SPTBN5: variants seen among roughly 807,000 people sequenced by gnomAD.
SPTBN5 encodes the protein spectrin beta, non-erythrocytic 5, also known as spectrin beta chain, non-erythrocytic 5.
SPTBN5 carries 513 observed loss-of-function variants against 477.6 expected under a neutral mutation model. The observed-to-expected ratio is 1.07, with a 90% CI of 1.00 to 1.16. SPTBN5 has a LOEUF of 1.16. SPTBN5 is among the 50% of genes most tolerant of loss of function. SPTBN5 has a pLI of 0.00. For missense variants in SPTBN5, 5,062 were observed against 4,731.8 expected, an observed-to-expected ratio of 1.07 and a Z score of -2.05; for synonymous variants, 2,169 against 2,011.7, an observed-to-expected ratio of 1.08 and a Z score of -2.09.
chr15:41,887,177 AGCCCT>A, intron 6 of SPTBN5, 31 bp downstream of exon 6: 1 of 1,537,520 alleles, frequency 6.5e-7, no homozygotes, highest in South Asian at 1.2e-5. Flanking sequence ...CTGCCTCTGG[AGCCCT>A]TGCTCACCCC....
Position 41,876,802 on chromosome 15 carries a change from G to A in SPTBN5, c.3851+7C>T, listed in dbSNP as rs2066750300. 2.5e-6 allele frequency: 4 copies of A among 1,609,766 alleles called. No homozygotes were observed. Among genetic ancestry groups the A allele is most frequent in the Non-Finnish European group, 2.5e-6 (3 of 1,179,772 alleles). On this transcript the variant is annotated splice_region_variant and intron_variant, in intron 19 of 67. Coordinates refer to ENST00000320955, the MANE Select transcript of SPTBN5 (RefSeq NM_016642.4). ...CTGCAGGTGCTGCAGACTGAGGCCA[G>A]GCTCACGTGTGTGCAGCTGGGTGCT...
In SPTBN5 at chr15:41,874,839, C is replaced by T. The variant is rs1162910198; in HGVS notation, c.4502+3G>A. 1 of 1,600,598 alleles carries T rather than the reference C, an allele frequency of 6.2e-7. No homozygotes were observed. The highest frequency in any genetic ancestry group is 8.5e-7 in the Non-Finnish European group (1 of 1,171,118). On this transcript the variant is annotated splice_donor_region_variant and intron_variant, in intron 23 of 67. Transcript: ENST00000320955. ...CACAGGTGGGTGGGAGGACAGACCC[C>T]ACCTCCGGAGGTGCTTCTGGGTCTC... is the stretch of plus-strand genomic sequence containing the variant.
At position 41,879,354 on chromosome 15, in the gene SPTBN5, TC is replaced by T. The variant is rs1328227857; in HGVS notation, c.3087del (p.Ser1030AlafsTer31). On this transcript the variant is annotated frameshift_variant, in exon 16 of 68. Transcript: ENST00000320955. LOFTEE classifies it high-confidence loss of function. The part of the protein sequence containing the change: ...VLLQLEALQP[G>X]SSEDTCHALQ... ...AGGGCGTGGCAGGTGTCCTCTGAGC[TC>T]CCTGGCTGCAGGGCCTCCAGCTGGA... 1 of 1,609,764 alleles carries T rather than the reference TC, an allele frequency of 6.2e-7. No individual in the cohort carries two copies. The highest frequency in any genetic ancestry group is 2.2e-5 in the East Asian group (1 of 44,874).
Position 41,874,897 on chromosome 15 carries a change from G to A in SPTBN5, c.4447C>T (p.His1483Tyr). The part of the protein sequence containing the change: ...AKMAALASMA[H>Y]GMAASPAILE... Reference sequence around the variant, plus strand: ...ATGGCCGGGGAGGCGGCCATGCCATGGGCCATGGAGGCGAGGGCAGCCATC... The same window carrying A: ...ATGGCCGGGGAGGCGGCCATGCCATAGGCCATGGAGGCGAGGGCAGCCATC... Residue 1483 changes from histidine to tyrosine, a missense_variant, in exon 23 of 68, where the codon CAT (histidine) becomes TAT (tyrosine). Physicochemically the swap from His to Tyr is moderately conservative, Grantham distance 83 (BLOSUM62 2). Coordinates refer to ENST00000320955, the MANE Select transcript of SPTBN5 (RefSeq NM_016642.4). The A allele has an allele frequency of 6.2e-7, 1 of 1,613,012 alleles. No homozygotes were observed. Among genetic ancestry groups the A allele is most frequent in the Non-Finnish European group, 8.5e-7 (1 of 1,179,674 alleles).
At chr15:41,887,749 C>T (rs2067199537) in intron 5 of SPTBN5, among the ~76,000 whole-genome samples, 179 bp downstream of exon 5, 1 of 152,154 alleles carries the variant, frequency 6.6e-6, no homozygotes, top group African/African-American at 2.4e-5. Flanking sequence ...GTAAACTTGG[C>T]CAATCTCATG....
intron 47 of SPTBN5, among the ~76,000 whole-genome samples, chr15:41,859,299 T>C (rs1354087177): frequency 6.6e-6 from 1 of 152,130 alleles, no homozygotes; most frequent in Non-Finnish European, 1.5e-5. Flanking sequence ...GCTAGGACTA[T>C]AGGCTCACAC....
chr15:41,880,060 A>AG, intron 14 of SPTBN5, 100 bp downstream of exon 14: 3 of 1,455,488 alleles, frequency 2.1e-6, no homozygotes, highest in Non-Finnish European at 2.7e-6. Flanking sequence ...CCCCTCCCCC[A>AG]GGCAGGACGG....
chr15:41,878,523 G>C lies in SPTBN5; in HGVS notation c.3289C>G (p.Arg1097Gly). The C allele has an allele frequency of 6.2e-7, 1 of 1,612,958 alleles. No individual in the cohort carries two copies. The highest frequency in any genetic ancestry group is 8.5e-7 in the Non-Finnish European group (1 of 1,179,712). Residue 1097 changes from arginine (R) to glycine (G), a missense_variant, in exon 17 of 68, where the codon CGC (arginine) becomes GGC (glycine). Transcript: ENST00000320955. ...TGCCGGGCCTGAGTCTCAGCCTGGC[G>C]CCGGGCCCGTTGGGCCACTTGTTCC... is the stretch of plus-strand genomic sequence containing the variant. ...VQEQVAQRAR[R>G]QAETQARQSF... is the part of the protein sequence containing the mutation.
chr15:41,870,267 T>C lies in SPTBN5; in HGVS notation c.5649A>G (p.Arg1883=). ...CCTGCCGCTCGGTGCCCACGAGTTC[T>C]CGCTCCAGCCCCTGGTGGCTTCTCA... The part of the protein sequence containing the change: ...AQLRSHQGLE[R]ELVGTERQLQ... The change falls in exon 31 of 68, where the codon CGA becomes CGG. Residue 1883 remains arginine (R), a synonymous_variant. Transcript: ENST00000320955. The C allele has an allele frequency of 6.4e-7, 1 of 1,551,638 alleles. No homozygotes were observed. The highest frequency in any genetic ancestry group is 8.7e-7 in the Non-Finnish European group (1 of 1,147,810).
chr15:41,874,660 C>T (rs573731022), intron 23 of SPTBN5, among the ~76,000 whole-genome samples, 182 bp from the exon 24 acceptor site: 26 of 152,316 alleles, frequency 1.7e-4, no homozygotes, highest in African/African-American at 4.8e-4. Context: ...AGATGACTCG[C>T]GTGACTGCAC....
chr15:41,864,107 C>T (rs2066216752), intron 39 of SPTBN5, 83 bp from the exon 40 acceptor site: 6 of 1,262,986 alleles, frequency 4.8e-6, no homozygotes, highest in South Asian at 2.7e-5. Context: ...TGAAAGCATG[C>T]CTGGGCCCCG....
intron 43 of SPTBN5, 98 bp from the exon 44 acceptor site, chr15:41,862,390 G>C: frequency 3.9e-6 from 6 of 1,519,818 alleles, no homozygotes; most frequent in Non-Finnish European, 5.3e-6. Flanking sequence ...AACCACAGGA[G>C]GGCCCATGGG....
At chr15:41,862,766 C>A in intron 42 of SPTBN5, 24 bp downstream of exon 42, 1 of 1,552,484 alleles carries the variant, frequency 6.4e-7, no homozygotes, top group Non-Finnish European at 8.7e-7. Flanking sequence ...TGCCCTGGGC[C>A]CAGCTCTACA....
rs2067205475 is a variant in SPTBN5, at chr15:41,887,946, G to C, written c.641C>G (p.Ala214Gly). The C allele has an allele frequency of 6.2e-7, 1 of 1,609,792 alleles. No homozygotes were observed. Among genetic ancestry groups the C allele is most frequent in the Non-Finnish European group, 8.5e-7 (1 of 1,178,472 alleles). Reference protein sequence around the residue: ...RSWSDGLGFNALIHAHRPDLL... With the variant: ...RSWSDGLGFNGLIHAHRPDLL... The stretch of plus-strand genomic sequence containing the variant: ...GTCACACCTGTGGGCATGGATGAGG[G>C]CATTGAAGCCCAGCCCATCGCTCCA... Residue 214 changes from alanine (A) to glycine (G), a missense_variant, in exon 5 of 68, where the codon GCC becomes GGC. By Grantham distance (60) the Ala-to-Gly change is moderately conservative. Transcript: ENST00000320955.
rs1567188231 is a variant in SPTBN5, at chr15:41,857,372, CTG to C, written c.8485_8486del (p.Gln2829GlufsTer15). On this transcript the variant is annotated frameshift_variant, in exon 51 of 68. Transcript: ENST00000320955. LOFTEE classifies it high-confidence loss of function. ...LPGVGELLGTQRELEAAVDKK... is the reference protein window; with the variant it reads ...LPGVGELLGTXRELEAAVDKK... ...TGTCCACTGCTGCCTCCAGCTCCCT[CTG>C]TGTGCCCAGGAGCTCGCCCACCCCA... 10 of 1,578,810 alleles carry C rather than the reference CTG, an allele frequency of 6.3e-6. No individual in the cohort carries two copies. The highest frequency in any genetic ancestry group is 1.3e-5 in the African/African-American group (1 of 74,128).
In SPTBN5 at chr15:41,867,901, C is replaced by T. The variant is rs187536474; in HGVS notation, c.6207+168G>A. The stretch of plus-strand genomic sequence containing the variant: ...GATAGGGGCTGGGGATGTCAGTGGA[C>T]GCTCAGGGGCCTCAGCACTTCACCA... On this transcript the variant is annotated intron_variant, in intron 34 of 67. Transcript: ENST00000320955. 3.3e-5 allele frequency among the ~76,000 whole-genome samples: 5 copies of T among 152,326 alleles called. No homozygotes were observed. The East Asian group carries it at 5.8e-4, about 18-fold the overall frequency.
intron 3 of SPTBN5, 83 bp from the exon 4 acceptor site, chr15:41,890,288 C>A (rs898301255): frequency 4.3e-6 from 4 of 920,306 alleles, no homozygotes; most frequent in Admixed American, 4.0e-5. Flanking sequence ...GGGCCAGCTG[C>A]GGGATGGGAG....
At chr15:41,891,685 T>A (rs2067318401) in intron 3 of SPTBN5, among the ~76,000 whole-genome samples, 1 of 152,196 alleles carries the variant, frequency 6.6e-6, no homozygotes, top group African/African-American at 2.4e-5. Context: ...TGAAGCCAGG[T>A]GCCTTGAGGT....
At chr15:41,862,510 C>T (rs776612390) in intron 43 of SPTBN5, 29 bp downstream of exon 43, 25 of 1,573,492 alleles carry the variant, frequency 1.6e-5, no homozygotes, top group South Asian at 2.3e-5. Flanking sequence ...GAGGATGGGT[C>T]GGCGAGGGCA....
Sources: gnomAD v4.1 joint callset for allele counts (sites outside exome capture counted in the v4.1 genomes callset) on GRCh38, gnomAD v4.1.1 for gene constraint, MANE v1.5 for transcripts, NCBI Gene and HGNC (gene_info 2026-07-23, HGNC 2026-07-21) for gene names.